The following RCBTB1 variants were observed in gnomAD, a reference collection of about 807,000 sequenced individuals.
RCBTB1 encodes RCC1 and BTB domain containing protein 1.
RCBTB1 carries 46 observed loss-of-function variants against 62.4 expected under a neutral mutation model. The observed-to-expected ratio is 0.74, with a 90% CI of 0.58 to 0.94. RCBTB1 has a LOEUF of 0.94. RCBTB1 is among the 40% of genes least tolerant of loss of function. The probability of loss-of-function intolerance (pLI) is 0.00; values close to 1 mark genes in which losing one functional copy is unlikely to be tolerated. For missense variants in RCBTB1, 565 were observed against 654.9 expected, an observed-to-expected ratio of 0.86 and a Z score of 1.50; for synonymous variants, 222 against 245.8, an observed-to-expected ratio of 0.90 and a Z score of 0.91.
chr13:49,539,908 C>T (rs1303951131), intron 12 of RCBTB1, among the ~76,000 whole-genome samples: 1 of 152,084 alleles, frequency 6.6e-6, no homozygotes, highest in African/African-American at 2.4e-5. Flanking sequence ...TGAAGTGTGT[C>T]CTCTTATACC....
Position 49,555,678 on chromosome 13 carries a change from A to G in RCBTB1, c.445-5T>C. On this transcript the variant is annotated splice_polypyrimidine_tract_variant and splice_region_variant and intron_variant, in intron 5 of 12. Transcript: ENST00000378302. ...GTTATAACCCCAAGCAAACACCTAC[A>G]AGAGAAAGAAAAAGGAAAAGGAAAG... 6.4e-7 allele frequency: 1 copy of G among 1,553,684 alleles called. No individual in the cohort carries two copies. The highest frequency in any genetic ancestry group is 2.3e-5 in the East Asian group (1 of 43,912).
intron 5 of RCBTB1, among the ~76,000 whole-genome samples, chr13:49,556,026 T>A (rs907956978): frequency 6.6e-5 from 10 of 151,800 alleles, no homozygotes; most frequent in Admixed American, 2.0e-4. Flanking sequence ...CTCTATAATT[T>A]GTGTGTGTGT....
At chr13:49,553,669 T>G (rs550111475) in intron 6 of RCBTB1, among the ~76,000 whole-genome samples, 1 of 152,206 alleles carries the variant, frequency 6.6e-6, no homozygotes, top group East Asian at 1.9e-4. Flanking sequence ...CCCACAGCAA[T>G]GTAGGGCGGC....
chr13:49,559,798 G>A, intron 5 of RCBTB1, 120 bp downstream of exon 5: 1 of 850,760 alleles, frequency 1.2e-6, no homozygotes, highest in Non-Finnish European at 1.8e-6. Flanking sequence ...ATGACAAGGT[G>A]AACATACTTA....
intron 4 of RCBTB1, among the ~76,000 whole-genome samples, chr13:49,565,827 G>T (rs1367919703): frequency 6.6e-6 from 1 of 152,088 alleles, no homozygotes; most frequent in East Asian, 1.9e-4. Flanking sequence ...TAGAAAAGGG[G>T]GAAATGTGGG....
chr13:49,566,053 T>TAGTAGAGACAGAGTTTTACCCTG (rs1962970753), intron 4 of RCBTB1, among the ~76,000 whole-genome samples: 1 of 137,394 alleles, frequency 7.3e-6, no homozygotes, highest in Non-Finnish European at 1.6e-5. Flanking sequence ...AAACAGATGC[T>TAGTAGAGACAGAGTTTTACCCTG]TGAAGGCAGC....
intron 3 of RCBTB1, 38 bp from the exon 4 acceptor site, chr13:49,566,806 C>T (rs773729886): frequency 4.1e-5 from 65 of 1,567,132 alleles, no homozygotes; most frequent in Non-Finnish European, 5.4e-5. Flanking sequence ...GTCTTTTGAC[C>T]GAAAGCTGTA....
chr13:49,557,796 C>T (rs1430035646), intron 5 of RCBTB1, among the ~76,000 whole-genome samples: 2 of 152,032 alleles, frequency 1.3e-5, no homozygotes, highest in African/African-American at 4.8e-5. Flanking sequence ...AATTCTACTG[C>T]CATCAAAAGT....
rs1473935694 is a variant in RCBTB1, at chr13:49,549,059, GA to G, written c.1045+398del. ...AGGCAGGAAAATCTCTTGAACTCGG[GA>G]GGTGGAGGTTGCAGTGAGCCGAGAT... On this transcript the variant is annotated intron_variant, in intron 9 of 12. Transcript: ENST00000378302. Among the ~76,000 whole-genome samples the G allele has an allele frequency of 1.2e-4, 16 of 135,416 alleles. 3 individuals are homozygous for G. The South Asian group carries it at 1.5e-3, about 13-fold the overall frequency. The allele number at this position is 135,416 out of a possible 152,430, so 88.8% of individuals were successfully genotyped here. A position where few individuals can be genotyped will look rare whatever the true frequency, so the allele number is the denominator to read the frequency against.
intron 12 of RCBTB1, among the ~76,000 whole-genome samples, chr13:49,540,431 T>C (rs1270834208): frequency 6.6e-6 from 1 of 152,210 alleles, no homozygotes; most frequent in African/African-American, 2.4e-5. Flanking sequence ...AACTGTGAGC[T>C]GTAATTAGAC....
At chr13:49,539,133 C>T (rs572242778) in intron 12 of RCBTB1, among the ~76,000 whole-genome samples, 19 of 151,374 alleles carry the variant, frequency 1.3e-4, no homozygotes, top group African/African-American at 3.4e-4. Flanking sequence ...CCCAAAGTGC[C>T]GGGATTACAG....
intron 2 of RCBTB1, among the ~76,000 whole-genome samples, chr13:49,577,978 T>G (rs1963883186): frequency 6.6e-6 from 1 of 152,254 alleles, no homozygotes; most frequent in African/African-American, 2.4e-5. Flanking sequence ...CAGTTTAAGT[T>G]GCTAAGCTGT....
intron 2 of RCBTB1, among the ~76,000 whole-genome samples, chr13:49,567,532 G>A (rs993913968): frequency 6.6e-6 from 1 of 152,044 alleles, no homozygotes; most frequent in African/African-American, 2.4e-5. Flanking sequence ...TAACGTGCAA[G>A]AACTAGCTGT....
chr13:49,583,511 C>CTT (rs1167701565), intron 1 of RCBTB1, among the ~76,000 whole-genome samples: 3 of 152,052 alleles, frequency 2.0e-5, no homozygotes, highest in Non-Finnish European at 2.9e-5. Flanking sequence ...CAACACTCAT[C>CTT]ATACCCCTCT....
intron 2 of RCBTB1, among the ~76,000 whole-genome samples, chr13:49,578,128 T>A (rs929667301): frequency 6.6e-6 from 1 of 152,226 alleles, no homozygotes; most frequent in Admixed American, 6.5e-5. Flanking sequence ...CAGGATCTCC[T>A]GCAGATACTA....
At chr13:49,580,969 A>C (rs1964061536) in intron 1 of RCBTB1, among the ~76,000 whole-genome samples, 1 of 152,168 alleles carries the variant, frequency 6.6e-6, no homozygotes, top group African/African-American at 2.4e-5. Flanking sequence ...CAGAATTGGG[A>C]AGTATGCTTC....
intron 5 of RCBTB1, among the ~76,000 whole-genome samples, chr13:49,559,305 CATT>C (rs1356462243): frequency 6.6e-6 from 1 of 152,206 alleles, no homozygotes; most frequent in Non-Finnish European, 1.5e-5. Flanking sequence ...AAAGGACAAA[CATT>C]GTATGATTCC....
chr13:49,576,058 G>T (rs1031324750), intron 2 of RCBTB1, among the ~76,000 whole-genome samples: 41 of 151,700 alleles, frequency 2.7e-4, no homozygotes, highest in Non-Finnish European at 5.6e-4. Context: ...GTGGTGGCGG[G>T]CACCAGTAGT....
intron 1 of RCBTB1, among the ~76,000 whole-genome samples, chr13:49,584,131 G>A (rs911220958): frequency 2.6e-5 from 4 of 152,168 alleles, no homozygotes; most frequent in Non-Finnish European, 4.4e-5. Context: ...TGCAGCATAC[G>A]GGCACGCTTT....
Sources: allele counts gnomAD v4.1 joint callset (sites outside exome capture counted in the v4.1 genomes callset), GRCh38; gene constraint gnomAD v4.1.1; transcripts MANE v1.5; gene names NCBI Gene and HGNC (gene_info 2026-07-23, HGNC 2026-07-21).